RPS6KC1: variants seen among roughly 807,000 people sequenced by gnomAD.
The protein encoded by RPS6KC1 is inactive ribosomal protein S6 kinase delta-1.
In RPS6KC1, 54 loss-of-function variants were observed where a neutral mutation model predicts 103.8. The ratio of observed to expected loss-of-function variants is 0.52; its 90% CI spans 0.42 to 0.65. The LOEUF is 0.65. RPS6KC1 is among the 30% of genes least tolerant of loss of function. The pLI, the probability that RPS6KC1 is intolerant of heterozygous loss-of-function variation, is 0.00. For synonymous variants in RPS6KC1, 439 were observed against 438.7 expected, an observed-to-expected ratio of 1.00 and a Z score of -0.01; for missense variants, 1,151 against 1,253.8, an observed-to-expected ratio of 0.92 and a Z score of 1.24.
the RPS6KC1 span, among the ~76,000 whole-genome samples, chr1:213,852,763 G>T: frequency 1.3e-5 from 2 of 152,148 alleles, no homozygotes; most frequent in Admixed American, 6.5e-5. Flanking sequence ...AACATACACA[G>T]GTAACACAGC....
At chr1:213,285,347 G>GT in the RPS6KC1 span, among the ~76,000 whole-genome samples, 1 of 146,406 alleles carries the variant, frequency 6.8e-6, no homozygotes, top group South Asian at 2.1e-4. Context: ...TGTCATACTG[G>GT]GGGGTAGGAT....
the RPS6KC1 span, among the ~76,000 whole-genome samples, chr1:213,348,996 T>C: frequency 4.9e-4 from 75 of 152,322 alleles, no homozygotes; most frequent in Non-Finnish European, 9.8e-4. Flanking sequence ...CACATACTGG[T>C]CTTCATTTCT....
chr1:213,704,762 T>A, the RPS6KC1 span, among the ~76,000 whole-genome samples: 2 of 152,242 alleles, frequency 1.3e-5, no homozygotes, highest in Non-Finnish European at 2.9e-5. Flanking sequence ...TACCAATCCT[T>A]CTTGGGAAGG....
chr1:213,063,592 C>T (rs911325303), intron 1 of RPS6KC1, among the ~76,000 whole-genome samples: 2 of 152,078 alleles, frequency 1.3e-5, no homozygotes, highest in South Asian at 4.1e-4. Flanking sequence ...TAGTATTTCT[C>T]TAGTGCTTCA....
At chr1:213,669,008 T>C in the RPS6KC1 span, among the ~76,000 whole-genome samples, 1 of 152,236 alleles carries the variant, frequency 6.6e-6, no homozygotes, top group Non-Finnish European at 1.5e-5. Flanking sequence ...ATGGCTTTTT[T>C]GATTTTCTAT....
chr1:213,506,236 T>G, the RPS6KC1 span, among the ~76,000 whole-genome samples: 1 of 152,170 alleles, frequency 6.6e-6, no homozygotes, highest in Non-Finnish European at 1.5e-5. Context: ...TTTGAATTGG[T>G]AAGTAACGAG....
At chr1:213,205,296 G>C in intron 8 of RPS6KC1, 1 of 984,572 alleles carries the variant, frequency 1.0e-6, no homozygotes, top group Non-Finnish European at 1.2e-6. Flanking sequence ...TTACATATTG[G>C]GATTCTGGAA....
intron 3 of RPS6KC1, 73 bp from the exon 4 acceptor site, chr1:213,104,381 C>A: frequency 3.2e-6 from 3 of 950,350 alleles, no homozygotes; most frequent in Non-Finnish European, 5.0e-6. Flanking sequence ...GCTTTCTGAT[C>A]TGTGGACGTA....
the RPS6KC1 span, among the ~76,000 whole-genome samples, chr1:213,599,449 G>T: frequency 6.8e-6 from 1 of 147,560 alleles, no homozygotes; most frequent in Non-Finnish European, 1.5e-5. Flanking sequence ...AAAAAAAAGA[G>T]TGTCACTTCT....
intron 4 of RPS6KC1, among the ~76,000 whole-genome samples, chr1:213,110,809 G>A (rs546730463): frequency 6.6e-6 from 1 of 152,198 alleles, no homozygotes; most frequent in South Asian, 2.1e-4. Context: ...AAGACCCCCT[G>A]TGGCTGTGTT....
rs368268337 is a variant in RPS6KC1 at position 213,230,491 on chromosome 1, A to T, written c.1045-6A>T. On this transcript the variant is annotated splice_polypyrimidine_tract_variant and splice_region_variant and intron_variant, in intron 8 of 14. Transcript: ENST00000366960. ...TAATAAATTATTACTCGTGTCTTTT[A>T]TGTAGGTTTTACTTGTAATGGACAC... 4.0e-5 allele frequency: 63 copies of T among 1,587,090 alleles called. No individual in the cohort carries two copies. In the African/African-American group the frequency reaches 7.4e-4, roughly 19 times the overall value.
At chr1:213,546,119 A>G in the RPS6KC1 span, among the ~76,000 whole-genome samples, 1 of 152,364 alleles carries the variant, frequency 6.6e-6, no homozygotes, top group East Asian at 1.9e-4. Context: ...GAGCACATGA[A>G]CTAAAGAGCA....
chr1:213,814,943 A>G, the RPS6KC1 span, among the ~76,000 whole-genome samples: 2 of 152,012 alleles, frequency 1.3e-5, no homozygotes, highest in African/African-American at 4.8e-5. Context: ...AATTCTTATC[A>G]CTCCAAGTTA....
chr1:213,843,991 C>T, the RPS6KC1 span, among the ~76,000 whole-genome samples: 1 of 147,322 alleles, frequency 6.8e-6, no homozygotes, highest in East Asian at 1.9e-4. Context: ...TAGTGATATT[C>T]AGCTAGGGGG....
chr1:213,113,012 G>C (rs570131904), intron 4 of RPS6KC1, among the ~76,000 whole-genome samples: 1 of 152,092 alleles, frequency 6.6e-6, no homozygotes, highest in Non-Finnish European at 1.5e-5. Flanking sequence ...GAATAATGCC[G>C]CAATAAACAT....
At chr1:213,077,511 AG>A (rs2079451629) in intron 2 of RPS6KC1, among the ~76,000 whole-genome samples, 184 bp from the exon 3 acceptor site, 2 of 152,208 alleles carry the variant, frequency 1.3e-5, no homozygotes, top group Non-Finnish European at 2.9e-5. Context: ...CCTGGTCAGC[AG>A]GAATCTGCCT....
chr1:213,081,651 G>A (rs928011085), intron 3 of RPS6KC1, among the ~76,000 whole-genome samples: 27 of 149,914 alleles, frequency 1.8e-4, no homozygotes, highest in Non-Finnish European at 3.4e-4. Flanking sequence ...TCTCTCTTAA[G>A]GTTTTTTTTT....
intron 8 of RPS6KC1, among the ~76,000 whole-genome samples, chr1:213,220,059 T>C (rs1029245204): frequency 6.6e-6 from 1 of 152,202 alleles, no homozygotes; most frequent in South Asian, 2.1e-4. Flanking sequence ...TTTATAGGTA[T>C]GAATTGAATT....
the RPS6KC1 span, among the ~76,000 whole-genome samples, chr1:213,578,171 C>T: frequency 1.3e-5 from 2 of 152,224 alleles, no homozygotes; most frequent in East Asian, 3.9e-4. Context: ...AAAGCCTTGG[C>T]AGCTTACACA....
Sources: gnomAD v4.1 joint callset for allele counts (sites outside exome capture counted in the v4.1 genomes callset) on GRCh38, gnomAD v4.1.1 for gene constraint, MANE v1.5 for transcripts, NCBI Gene and HGNC (gene_info 2026-07-23, HGNC 2026-07-21) for gene names.